Variants in SPMIP3 observed in about 807,000 individuals in gnomAD.
SPMIP3 encodes the protein sperm microtubule inner protein 3.
chr1:244,354,226 C>T, the SPMIP3 span, among the ~76,000 whole-genome samples: 7 of 152,150 alleles, frequency 4.6e-5, no homozygotes, highest in African/African-American at 9.7e-5. Flanking sequence ...CTTCCTCTGC[C>T]CCTTCTCTGG....
At chr1:244,375,453 A>C in the SPMIP3 span, 5 of 1,613,746 alleles carry the variant, frequency 3.1e-6, no homozygotes, top group Non-Finnish European at 4.2e-6. Context: ...ATCATAGTGC[A>C]AAGAGAGCTC....
the SPMIP3 span, among the ~76,000 whole-genome samples, chr1:244,366,490 T>A: frequency 4.6e-5 from 7 of 152,310 alleles, no homozygotes; most frequent in Admixed American, 2.0e-4. Context: ...ATTGAGTTAT[T>A]TTAGCCATGT....
chr1:244,366,396 C>A, the SPMIP3 span, among the ~76,000 whole-genome samples: 2 of 152,240 alleles, frequency 1.3e-5, 1 homozygote, highest in South Asian at 4.1e-4. Flanking sequence ...GAACTCCTGG[C>A]CTCAAGCAGT....
At chr1:244,371,403 T>C in the SPMIP3 span, among the ~76,000 whole-genome samples, 1 of 152,216 alleles carries the variant, frequency 6.6e-6, no homozygotes, top group Admixed American at 6.5e-5. Flanking sequence ...CTGGCCTGGC[T>C]AGACATTTCC....
chr1:244,383,140 G>C, the SPMIP3 span, among the ~76,000 whole-genome samples: 1 of 152,148 alleles, frequency 6.6e-6, no homozygotes, highest in Non-Finnish European at 1.5e-5. Flanking sequence ...AATAATTTGA[G>C]GGCCTATTTA....
the SPMIP3 span, among the ~76,000 whole-genome samples, chr1:244,379,030 T>G: frequency 0.074 from 11,214 of 152,014 alleles, 479 homozygotes; most frequent in East Asian, 0.17. Flanking sequence ...CTGGGTTCAC[T>G]CCATTCTCCT....
At chr1:244,374,609 T>C in the SPMIP3 span, among the ~76,000 whole-genome samples, 8 of 143,586 alleles carry the variant, frequency 5.6e-5, no homozygotes, top group Non-Finnish European at 1.1e-4. Flanking sequence ...TTTTTTTTTT[T>C]TTTTTGAGAC....
chr1:244,384,959 TG>T, the SPMIP3 span, among the ~76,000 whole-genome samples: 1 of 152,188 alleles, frequency 6.6e-6, no homozygotes, highest in Non-Finnish European at 1.5e-5. Flanking sequence ...TGGAGTGCAG[TG>T]GCGTGATCTC....
At chr1:244,373,351 C>CATATATATATATATAT in the SPMIP3 span, among the ~76,000 whole-genome samples, 1 of 37,070 alleles carries the variant, frequency 2.7e-5, no homozygotes. Flanking sequence ...TATATATATG[C>CATATATATATATATAT]ATGCCAGGCA....
At chr1:244,358,472 C>A in the SPMIP3 span, among the ~76,000 whole-genome samples, 1 of 151,590 alleles carries the variant, frequency 6.6e-6, no homozygotes, top group Non-Finnish European at 1.5e-5. Flanking sequence ...GTAATACCAG[C>A]TAGTCAGGAG....
the SPMIP3 span, chr1:244,378,515 G>A: frequency 6.2e-7 from 1 of 1,613,810 alleles, no homozygotes; most frequent in Non-Finnish European, 8.5e-7. Flanking sequence ...ATCACTATCA[G>A]CCTCAATTAG....
chr1:244,361,677 A>G, the SPMIP3 span, among the ~76,000 whole-genome samples: 3 of 152,250 alleles, frequency 2.0e-5, no homozygotes, highest in Non-Finnish European at 4.4e-5. Context: ...CATGTACCCC[A>G]TAAATACATA....
the SPMIP3 span, among the ~76,000 whole-genome samples, chr1:244,379,746 G>A: frequency 1.3e-5 from 2 of 152,202 alleles, no homozygotes; most frequent in African/African-American, 4.8e-5. Context: ...TTGGGAGGCC[G>A]AGGCAGGCGG....
the SPMIP3 span, chr1:244,378,521 A>G: frequency 6.2e-7 from 1 of 1,614,008 alleles, no homozygotes; most frequent in Non-Finnish European, 8.5e-7. Flanking sequence ...ATCAGCCTCA[A>G]TTAGACCAAC....
chr1:244,388,324 A>C, the SPMIP3 span, among the ~76,000 whole-genome samples: 1 of 152,174 alleles, frequency 6.6e-6, no homozygotes, highest in Admixed American at 6.5e-5. Context: ...TTTATTCCTT[A>C]GGTCAGTTGT....
chr1:244,368,377 C>G, the SPMIP3 span, among the ~76,000 whole-genome samples: 7 of 152,024 alleles, frequency 4.6e-5, no homozygotes, highest in Non-Finnish European at 8.8e-5. Flanking sequence ...ACTCCTTTAA[C>G]CTTCACTACT....
chr1:244,384,388 G>C, the SPMIP3 span, among the ~76,000 whole-genome samples: 1 of 152,004 alleles, frequency 6.6e-6, no homozygotes, highest in Admixed American at 6.6e-5. Context: ...ATTTTTTGTA[G>C]AGACAGGTTC....
At chr1:244,381,412 A>T in the SPMIP3 span, among the ~76,000 whole-genome samples, 3 of 152,340 alleles carry the variant, frequency 2.0e-5, no homozygotes, top group East Asian at 5.8e-4. Context: ...ACAAACAGAC[A>T]CAAAAGGTGT....
At chr1:244,355,779 A>T in the SPMIP3 span, among the ~76,000 whole-genome samples, 2 of 152,268 alleles carry the variant, frequency 1.3e-5, no homozygotes, top group East Asian at 3.9e-4. Flanking sequence ...GTGAATTGTG[A>T]TCTTTATTAT....
Sources: allele counts gnomAD v4.1 joint callset (sites outside exome capture counted in the v4.1 genomes callset), GRCh38; gene constraint gnomAD v4.1.1; transcripts MANE v1.5; gene names NCBI Gene and HGNC (gene_info 2026-07-23, HGNC 2026-07-21).